INTS6: variants seen among roughly 807,000 people sequenced by gnomAD.
INTS6 encodes DEAD box protein.
Under a neutral mutation model 104.9 loss-of-function variants are expected in INTS6, and 16 were observed. That is an observed-to-expected ratio of 0.15 (90% CI 0.10 to 0.23). The LOEUF is 0.23. INTS6 is among the 10% of genes least tolerant of loss of function. The probability of loss-of-function intolerance (pLI) is 1.00; values close to 1 mark genes in which losing one functional copy is unlikely to be tolerated. For missense variants in INTS6, 584 were observed against 1,062.8 expected, an observed-to-expected ratio of 0.55 and a Z score of 6.26; for synonymous variants, 324 against 358.7, an observed-to-expected ratio of 0.90 and a Z score of 1.09.
At chr13:51,392,203 G>A (rs1956256060) in intron 5 of INTS6, among the ~76,000 whole-genome samples, 2 of 152,140 alleles carry the variant, frequency 1.3e-5, no homozygotes, top group African/African-American at 2.4e-5. Context: ...GTCACCTCCC[G>A]TAAAAAGCCT....
downstream of INTS6, among the ~76,000 whole-genome samples, chr13:51,352,613 C>A (rs1428621976): frequency 6.6e-6 from 1 of 152,010 alleles, no homozygotes; most frequent in Non-Finnish European, 1.5e-5. Flanking sequence ...ACTCGCCCTC[C>A]AGTACCATGT....
chr13:51,356,421 T>G (rs1955482621), intron 3 of INTS6, among the ~76,000 whole-genome samples: 1 of 152,188 alleles, frequency 6.6e-6, no homozygotes, highest in Non-Finnish European at 1.5e-5. Context: ...ATGTGCAAAA[T>G]CTAACCAGTG....
chr13:51,368,536 C>G (rs1387009218), intron 16 of INTS6, among the ~76,000 whole-genome samples: 1 of 152,114 alleles, frequency 6.6e-6, no homozygotes, highest in Non-Finnish European at 1.5e-5. Context: ...CTAAACATAT[C>G]CTATAATATC....
intron 4 of INTS6, among the ~76,000 whole-genome samples, chr13:51,407,219 C>T (rs540497899): frequency 7.9e-5 from 12 of 152,292 alleles, no homozygotes; most frequent in Admixed American, 5.2e-4. Context: ...TCATTATAAG[C>T]TCTCATAGCA....
intron 3 of INTS6, chr13:51,444,821 T>C (rs1424051783): frequency 2.7e-5 from 4 of 148,086 alleles, no homozygotes; most frequent in Non-Finnish European, 6.0e-5. Context: ...TTTTTTCAGA[T>C]CATGACTGGA....
intron 4 of INTS6, among the ~76,000 whole-genome samples, chr13:51,409,061 T>A (rs775036574): frequency 1.3e-5 from 2 of 152,054 alleles, no homozygotes; most frequent in African/African-American, 2.4e-5. Flanking sequence ...CTAAGTCTAC[T>A]AATTAAATTC....
At chr13:51,374,098 C>A in intron 15 of INTS6, 110 bp downstream of exon 15, 1 of 762,452 alleles carries the variant, frequency 1.3e-6, no homozygotes, top group Non-Finnish European at 2.1e-6. Flanking sequence ...TACATTCATT[C>A]ACTCATTGTA....
At chr13:51,360,962 A>T (rs983630663), downstream of INTS6, among the ~76,000 whole-genome samples, 2 of 152,072 alleles carry the variant, frequency 1.3e-5, no homozygotes, top group African/African-American at 2.4e-5. Context: ...TTTAACTAGA[A>T]TCATTTCTGA....
At chr13:51,380,094 G>C (rs1357754446) in intron 10 of INTS6, among the ~76,000 whole-genome samples, 1 of 151,878 alleles carries the variant, frequency 6.6e-6, no homozygotes, top group Admixed American at 6.6e-5. Context: ...GGGATTAAAT[G>C]AGTTAATACA....
At chr13:51,423,964 T>C (rs1205367633) in intron 4 of INTS6, among the ~76,000 whole-genome samples, 1 of 151,996 alleles carries the variant, frequency 6.6e-6, no homozygotes, top group Non-Finnish European at 1.5e-5. Context: ...CCAGATCAAC[T>C]GAAACAAAAT....
intron 12 of INTS6, among the ~76,000 whole-genome samples, chr13:51,376,420 C>G (rs1955931977): frequency 6.6e-6 from 1 of 152,122 alleles, no homozygotes; most frequent in African/African-American, 2.4e-5. Flanking sequence ...ATTATATATT[C>G]TGGATAAAAG....
chr13:51,420,976 C>T, intron 4 of INTS6: 1 of 287,018 alleles, frequency 3.5e-6, no homozygotes, highest in African/African-American at 2.3e-5. Flanking sequence ...TAATCATCAT[C>T]AACCAATTTA....
At chr13:51,419,510 A>G (rs947612644) in intron 4 of INTS6, among the ~76,000 whole-genome samples, 4 of 152,204 alleles carry the variant, frequency 2.6e-5, no homozygotes, top group Non-Finnish European at 4.4e-5. Context: ...CTTTGCATAC[A>G]TCTACTTCAC....
At chr13:51,374,865 T>C in intron 13 of INTS6, 69 bp from the exon 14 acceptor site, 1 of 1,496,790 alleles carries the variant, frequency 6.7e-7, no homozygotes, top group Non-Finnish European at 9.2e-7. Flanking sequence ...TTTCCTTATA[T>C]ATGAATGCTA....
downstream of INTS6, among the ~76,000 whole-genome samples, chr13:51,356,968 T>C (rs183132903): frequency 2.7e-3 from 415 of 152,258 alleles, 2 homozygotes; most frequent in African/African-American, 9.2e-3. Flanking sequence ...TGAAGTTTTG[T>C]TCCTCTAAAG....
intron 5 of INTS6, among the ~76,000 whole-genome samples, chr13:51,390,042 A>G (rs1425802124): frequency 6.6e-6 from 1 of 152,072 alleles, no homozygotes; most frequent in Non-Finnish European, 1.5e-5. Context: ...TACCTGTCTC[A>G]CGTGAATTCC....
chr13:51,429,982 T>A (rs1158132928), intron 4 of INTS6, among the ~76,000 whole-genome samples: 2 of 151,752 alleles, frequency 1.3e-5, no homozygotes, highest in Non-Finnish European at 2.9e-5. Context: ...GCTGTTTCCC[T>A]TTTTTAAATC....
At chr13:51,449,059 A>G (rs1189542668) in intron 3 of INTS6, 1 of 152,234 alleles carries the variant, frequency 6.6e-6, no homozygotes, top group Non-Finnish European at 1.5e-5. Flanking sequence ...TATGATGAAA[A>G]AAATCTTCTG....
In INTS6 at chr13:51,423,013, A is replaced by G. The variant is rs1956922986; in HGVS notation, c.429+7281T>C. On this transcript the variant is annotated intron_variant, in intron 4 of 17. Coordinates refer to ENST00000311234, the MANE Select transcript of INTS6 (RefSeq NM_012141.3). The stretch of plus-strand genomic sequence containing the variant: ...ATGAGATTTATCTTAATGTATTACA[A>G]ATGTTTATTTACTTGCCTGTCTTCA... 4.1e-6 allele frequency: 5 copies of G among 1,228,222 alleles called. No homozygotes were observed. In the South Asian group the frequency reaches 6.6e-5, roughly 16 times the overall value. The allele number at this position is 1,228,222 out of a possible 1,614,324, so 76.1% of individuals were successfully genotyped here.
Sources: allele counts gnomAD v4.1 joint callset (sites outside exome capture counted in the v4.1 genomes callset), GRCh38; gene constraint gnomAD v4.1.1; transcripts MANE v1.5; gene names NCBI Gene and HGNC (gene_info 2026-07-23, HGNC 2026-07-21).